The following OSBPL1A variants were observed in gnomAD, a reference collection of about 807,000 sequenced individuals.
OSBPL1A encodes the protein oxysterol-binding protein-related protein 1.
A neutral mutation model predicts 137.1 loss-of-function variants in OSBPL1A; 80 were observed. That is an observed-to-expected ratio of 0.58 (90% confidence interval 0.49 to 0.70). The LOEUF is 0.70. Ranked by LOEUF, OSBPL1A falls within the 30% of genes least tolerant of loss-of-function variation. The pLI, the probability that OSBPL1A is intolerant of heterozygous loss-of-function variation, is 0.00. For synonymous variants in OSBPL1A, 365 were observed against 389.7 expected (o/e 0.94, Z 0.75); for missense variants, 970 against 1,129.4 (o/e 0.86, Z 2.02).
chr18:24,177,554 T>C (rs2086481985), intron 21 of OSBPL1A, among the ~76,000 whole-genome samples: 1 of 152,216 alleles, frequency 6.6e-6, no homozygotes, highest in Non-Finnish European at 1.5e-5. Context: ...CGTATGCTTA[T>C]TCTCTCCTAA....
intron 2 of OSBPL1A, among the ~76,000 whole-genome samples, chr18:24,373,487 C>G (rs951787669): frequency 1.3e-5 from 2 of 152,120 alleles, no homozygotes; most frequent in Non-Finnish European, 2.9e-5. Flanking sequence ...CAAGACAGGA[C>G]CATGAACACA....
At chr18:24,228,684 T>C (rs778077925) in intron 16 of OSBPL1A, among the ~76,000 whole-genome samples, 4 of 152,172 alleles carry the variant, frequency 2.6e-5, no homozygotes, top group Admixed American at 6.5e-5. Flanking sequence ...TGGAGAATGT[T>C]GTATCAGGAA....
chr18:24,286,031 C>G (rs2090061118), intron 14 of OSBPL1A, among the ~76,000 whole-genome samples: 1 of 152,146 alleles, frequency 6.6e-6, no homozygotes. Context: ...ATGGCGTGTG[C>G]CTGTAATCCC....
At chr18:24,395,651 G>T in intron 1 of OSBPL1A, among the ~76,000 whole-genome samples, 1 of 150,934 alleles carries the variant, frequency 6.6e-6, no homozygotes, top group African/African-American at 2.4e-5. Flanking sequence ...ACGGAGTTTC[G>T]CTCTTGTCGC....
At chr18:24,201,280 G>T (rs893562907) in intron 17 of OSBPL1A, among the ~76,000 whole-genome samples, 1 of 152,224 alleles carries the variant, frequency 6.6e-6, no homozygotes, top group Non-Finnish European at 1.5e-5. Context: ...TGATGCAAAC[G>T]GCTCCGCCTG....
chr18:24,267,497 T>C (rs2089607620), intron 15 of OSBPL1A, among the ~76,000 whole-genome samples: 1 of 152,084 alleles, frequency 6.6e-6, no homozygotes, highest in Non-Finnish European at 1.5e-5. Flanking sequence ...CAAGTCAATC[T>C]TACTTATAAA....
At chr18:24,183,115 A>G (rs749195719) in intron 18 of OSBPL1A, among the ~76,000 whole-genome samples, 1 of 151,762 alleles carries the variant, frequency 6.6e-6, no homozygotes, top group South Asian at 2.1e-4. Flanking sequence ...AAGGGATCCG[A>G]TCCTCCCACC....
chr18:24,283,281 A>AAAATATAT lies in OSBPL1A; in HGVS notation c.1175-2334_1175-2333insATATATTT, dbSNP rs1246058393. On this transcript the variant is annotated intron_variant, in intron 14 of 27. Transcript: ENST00000319481. The stretch of plus-strand genomic sequence containing the variant: ...CTCCATCTCAAAAAAAAAAAAAAAA[A>AAAATATAT]ATATATATATATATATATATATGTA... Among the ~76,000 whole-genome samples the AAAATATAT allele has an allele frequency of 5.5e-3, 431 of 78,262 alleles. 7 individuals carry two copies. The highest frequency in any genetic ancestry group is 0.016 in the African/African-American group (297 of 18,914). The allele number at this position is 78,262 out of a possible 152,430, so 51.3% of individuals were successfully genotyped here.
In OSBPL1A at chr18:24,212,073, CT is replaced by C. The variant is rs552495662; in HGVS notation, c.1601+12968del. The stretch of plus-strand genomic sequence containing the variant: ...TCATTTCTGGAATCTGCTTCAGAAA[CT>C]TTTTTTTTTTTTGAGAGATAGTCTC... On this transcript the variant is annotated intron_variant, in intron 17 of 27. Transcript: ENST00000319481. 4.7e-3 allele frequency among the ~76,000 whole-genome samples: 694 copies of C among 146,440 alleles called. 6 individuals are homozygous for C. The highest frequency in any genetic ancestry group is 0.014 in the African/African-American group (562 of 39,984).
chr18:24,179,818 A>T lies in OSBPL1A; in HGVS notation c.1830T>A (p.Ala610=), dbSNP rs377494507. The T allele has an allele frequency of 3.7e-6, 6 of 1,614,048 alleles. No homozygotes were observed. In the African/African-American group the frequency reaches 8.0e-5, roughly 22 times the overall value. Residue 610 remains alanine, a synonymous_variant, in exon 20 of 28, where the codon GCT becomes GCA. Transcript: ENST00000319481. ...VERMQCVAAF[A]VSAVASQWER... is the part of the protein sequence containing the mutation. ...CCCACTGAGAAGCAACAGCAGATAC[A>T]GCAAACGCAGCTACACACTGTGGGA...
intron 24 of OSBPL1A, among the ~76,000 whole-genome samples, chr18:24,168,834 GA>G (rs971795128): frequency 2.1e-4 from 32 of 150,648 alleles, no homozygotes; most frequent in Non-Finnish European, 4.0e-4. Flanking sequence ...TCTCCAATGG[GA>G]AAAAAAAATA....
At chr18:24,351,589 G>A (rs190776967) in intron 4 of OSBPL1A, among the ~76,000 whole-genome samples, 2 of 152,160 alleles carry the variant, frequency 1.3e-5, no homozygotes, top group East Asian at 3.9e-4. Context: ...ACCTAGGCTG[G>A]AGTGCAATGG....
At chr18:24,236,943 T>C (rs2088499895) in intron 16 of OSBPL1A, among the ~76,000 whole-genome samples, 1 of 152,166 alleles carries the variant, frequency 6.6e-6, no homozygotes, top group African/African-American at 2.4e-5. Context: ...AAGGAAACTG[T>C]GACATAATTA....
intron 27 of OSBPL1A, among the ~76,000 whole-genome samples, chr18:24,164,855 A>G (rs975595027): frequency 5.3e-5 from 8 of 152,242 alleles, no homozygotes; most frequent in African/African-American, 1.9e-4. Flanking sequence ...ACAATTCACA[A>G]TAACAAAGAT....
At chr18:24,347,217 C>T (rs1342838873) in intron 4 of OSBPL1A, among the ~76,000 whole-genome samples, 4 of 152,164 alleles carry the variant, frequency 2.6e-5, no homozygotes, top group African/African-American at 9.7e-5. Flanking sequence ...TGTTCCGTCA[C>T]CCAGGCTGGA....
intron 1 of OSBPL1A, among the ~76,000 whole-genome samples, chr18:24,394,314 T>C (rs1907579981): frequency 1.3e-5 from 2 of 152,218 alleles, no homozygotes; most frequent in Non-Finnish European, 2.9e-5. Context: ...CCATATTCGG[T>C]TGGAAATTTT....
intron 15 of OSBPL1A, among the ~76,000 whole-genome samples, chr18:24,260,766 T>TCA (rs2089426342): frequency 2.0e-5 from 3 of 151,548 alleles, no homozygotes; most frequent in Non-Finnish European, 4.4e-5. Context: ...GCCACTGAAT[T>TCA]GTATGCTCAA....
chr18:24,366,796 T>C, intron 4 of OSBPL1A, 96 bp downstream of exon 4: 1 of 1,241,538 alleles, frequency 8.1e-7, no homozygotes, highest in Non-Finnish European at 1.1e-6. Context: ...TGTGGCTTTC[T>C]TCGGTTGCTG....
chr18:24,353,053 C>T (rs2091470509), intron 4 of OSBPL1A, among the ~76,000 whole-genome samples: 2 of 152,086 alleles, frequency 1.3e-5, no homozygotes, highest in South Asian at 4.1e-4. Context: ...CAACAAAAGC[C>T]AAAATTGACA....
Sources: allele counts gnomAD v4.1 joint callset (sites outside exome capture counted in the v4.1 genomes callset), GRCh38; gene constraint gnomAD v4.1.1; transcripts MANE v1.5; gene names NCBI Gene and HGNC (gene_info 2026-07-23, HGNC 2026-07-21).